The following PIK3CB variants were observed in gnomAD, a reference collection of about 807,000 sequenced individuals.
The protein encoded by PIK3CB is phosphatidylinositol-4,5-bisphosphate 3-kinase catalytic subunit beta, also known as phosphatidylinositol 4,5-bisphosphate 3-kinase catalytic subunit beta isoform.
PIK3CB carries 39 observed loss-of-function variants against 136.8 expected under a neutral mutation model. The ratio of observed to expected loss-of-function variants is 0.29; its 90% CI spans 0.22 to 0.37. The LOEUF (loss-of-function observed/expected upper bound fraction) is 0.37. PIK3CB is among the 10% of genes least tolerant of loss of function. PIK3CB has a pLI of 1.00. For synonymous variants in PIK3CB, 428 were observed against 436.6 expected (o/e 0.98, Z 0.25); for missense variants, 868 against 1,275.4 (o/e 0.68, Z 4.87).
At chr3:138,691,560 T>TAAG (rs1438469144) in intron 14 of PIK3CB, among the ~76,000 whole-genome samples, 2 of 152,136 alleles carry the variant, frequency 1.3e-5, no homozygotes, top group East Asian at 3.9e-4. Flanking sequence ...GATGGCTTCA[T>TAAG]AAGAGGTGGT....
At chr3:138,823,722 T>A (rs999500212) in intron 1 of PIK3CB, among the ~76,000 whole-genome samples, 13 of 151,032 alleles carry the variant, frequency 8.6e-5, no homozygotes, top group South Asian at 2.1e-4. Flanking sequence ...AATGAAAAAA[T>A]TTTTTTAAAA....
chr3:138,681,054 T>G (rs1188199996), intron 19 of PIK3CB, among the ~76,000 whole-genome samples: 1 of 149,128 alleles, frequency 6.7e-6, no homozygotes, highest in East Asian at 1.9e-4. Flanking sequence ...TTTTTTTTGT[T>G]TTTTTTTTTT....
intron 6 of PIK3CB, among the ~76,000 whole-genome samples, chr3:138,735,230 T>C (rs1207542219): frequency 6.6e-6 from 1 of 152,050 alleles, no homozygotes; most frequent in Non-Finnish European, 1.5e-5. Flanking sequence ...ATTACAGGTG[T>C]GAGCCACCAA....
intron 2 of PIK3CB, among the ~76,000 whole-genome samples, chr3:138,790,195 A>G (rs2046032265): frequency 6.6e-6 from 1 of 152,160 alleles, no homozygotes; most frequent in African/African-American, 2.4e-5. Context: ...AGAGGGGGCA[A>G]TGAGAAGTTA....
intron 5 of PIK3CB, 42 bp from the exon 6 acceptor site, chr3:138,737,928 T>A (rs768717600): frequency 1.6e-6 from 2 of 1,228,142 alleles, no homozygotes; most frequent in African/African-American, 1.5e-5. Flanking sequence ...GTAAATGTTA[T>A]ATTTATGCTG....
chr3:138,823,500 C>T (rs934724666), intron 1 of PIK3CB, among the ~76,000 whole-genome samples: 3 of 151,242 alleles, frequency 2.0e-5, no homozygotes, highest in Admixed American at 6.6e-5. Flanking sequence ...GTCAGGAGAT[C>T]GAGACCATCC....
chr3:138,768,056 G>C (rs1024070829), intron 2 of PIK3CB, among the ~76,000 whole-genome samples: 2 of 152,240 alleles, frequency 1.3e-5, no homozygotes, highest in Non-Finnish European at 2.9e-5. Flanking sequence ...GCTTTACTGA[G>C]TGACAACAGC....
intron 4 of PIK3CB, among the ~76,000 whole-genome samples, chr3:138,749,607 T>G (rs546661928): frequency 6.6e-6 from 1 of 152,332 alleles, no homozygotes; most frequent in African/African-American, 2.4e-5. Flanking sequence ...TTGTCCTATC[T>G]GTCCCCCTAC....
At position 138,655,413 on chromosome 3, in the gene PIK3CB, T is replaced by C. The variant is rs1246390788; in HGVS notation, c.3189A>G (p.Thr1063=). The C allele has an allele frequency of 6.2e-7, 1 of 1,614,192 alleles. No homozygotes were observed. The highest frequency in any genetic ancestry group is 8.5e-7 in the Non-Finnish European group (1 of 1,180,000). Residue 1063 remains threonine (T), a synonymous_variant, in exon 24 of 24, where the codon ACA becomes ACG. Transcript: ENST00000674063. ...WTTKVNWMAH[T]VRKDYRS ...GTTAAGATCTGTAGTCTTTCCGAAC[T>C]GTGTGGGCCATCCAGTTCACTTTAG... is the stretch of plus-strand genomic sequence containing the variant.
At chr3:138,749,625 A>G (rs560499689) in intron 4 of PIK3CB, among the ~76,000 whole-genome samples, 10 of 152,098 alleles carry the variant, frequency 6.6e-5, no homozygotes, top group African/African-American at 2.4e-4. Context: ...TACACCACCC[A>G]TAATCAATTT....
In PIK3CB at chr3:138,681,960, A is replaced by G. The variant is rs2043791765; in HGVS notation, c.2504+7T>C. 1 of 1,578,506 alleles carries G rather than the reference A, an allele frequency of 6.3e-7. No individual in the cohort carries two copies. The highest frequency in any genetic ancestry group is 8.6e-7 in the Non-Finnish European group (1 of 1,159,336). On this transcript the variant is annotated splice_region_variant and intron_variant, in intron 19 of 23. Coordinates refer to ENST00000674063, the MANE Select transcript of PIK3CB (RefSeq NM_006219.3). ...AGACTGAAAAAAAAAAAAAGACTAG[A>G]TCTCACCGAAGATCCAAACCAGCTT...
chr3:138,672,280 A>AG (rs2043550661), intron 19 of PIK3CB, among the ~76,000 whole-genome samples: 1 of 152,066 alleles, frequency 6.6e-6, no homozygotes, highest in African/African-American at 2.4e-5. Flanking sequence ...AAAAAAAAAA[A>AG]GTTTCATGTA....
intron 2 of PIK3CB, among the ~76,000 whole-genome samples, chr3:138,771,654 G>A (rs534061691): frequency 4.1e-4 from 63 of 152,216 alleles, no homozygotes; most frequent in African/African-American, 1.4e-3. Context: ...ATAATAAAAT[G>A]ACATTTAAAC....
chr3:138,713,027 T>C (rs1174692956), intron 9 of PIK3CB, among the ~76,000 whole-genome samples: 1 of 152,182 alleles, frequency 6.6e-6, no homozygotes, highest in Non-Finnish European at 1.5e-5. Context: ...AGGACTTTTA[T>C]ACAAACATTT....
At chr3:138,664,827 A>C (rs1216493992) in intron 20 of PIK3CB, among the ~76,000 whole-genome samples, 2 of 152,222 alleles carry the variant, frequency 1.3e-5, no homozygotes, top group Non-Finnish European at 2.9e-5. Context: ...GCGGGGCTCC[A>C]AAATTTGATT....
At chr3:138,727,688 C>T (rs544265278) in intron 8 of PIK3CB, among the ~76,000 whole-genome samples, 1 of 152,090 alleles carries the variant, frequency 6.6e-6, no homozygotes, top group Non-Finnish European at 1.5e-5. Flanking sequence ...ATTTTGTTAT[C>T]CAGCAACAGA....
At chr3:138,737,168 G>A (rs561085140) in intron 6 of PIK3CB, among the ~76,000 whole-genome samples, 2 of 151,960 alleles carry the variant, frequency 1.3e-5, no homozygotes, top group African/African-American at 2.4e-5. Context: ...CAAGTTGGGC[G>A]GATCACTTGA....
chr3:138,814,171 A>G (rs962482547), intron 1 of PIK3CB, among the ~76,000 whole-genome samples: 1 of 152,114 alleles, frequency 6.6e-6, no homozygotes, highest in Admixed American at 6.6e-5. Flanking sequence ...GTCTGGTTCC[A>G]AGACAGTCAT....
chr3:138,765,384 G>C (rs1015446051), intron 2 of PIK3CB, among the ~76,000 whole-genome samples: 2 of 152,118 alleles, frequency 1.3e-5, no homozygotes, highest in African/African-American at 4.8e-5. Flanking sequence ...AATCATGCTT[G>C]ACAGGAAAAC....
Sources: allele counts gnomAD v4.1 joint callset (sites outside exome capture counted in the v4.1 genomes callset), GRCh38; gene constraint gnomAD v4.1.1; transcripts MANE v1.5; gene names NCBI Gene and HGNC (gene_info 2026-07-23, HGNC 2026-07-21).